Variants in KLHL25 observed in about 807,000 individuals in gnomAD.
KLHL25 encodes kelch like family member 25, also known as kelch-like protein 25.
KLHL25 carries 41 observed loss-of-function variants against 30.0 expected under a neutral mutation model. The observed-to-expected ratio is 1.37, with a 90% CI of 1.07 to 1.78. The LOEUF is 1.78. Ranked by LOEUF, KLHL25 falls within the 40% of genes most tolerant of loss-of-function variation. The probability of loss-of-function intolerance (pLI) is 0.00; values close to 1 mark genes in which losing one functional copy is unlikely to be tolerated. For synonymous variants in KLHL25, 399 were observed against 355.3 expected (o/e 1.12, Z -1.38); for missense variants, 971 against 824.5 (o/e 1.18, Z -2.18).
chr15:85,779,144 C>T (rs918946531), intron 1 of KLHL25, among the ~76,000 whole-genome samples: 3 of 152,116 alleles, frequency 2.0e-5, no homozygotes, highest in South Asian at 2.1e-4. Context: ...ACATCCAGCC[C>T]GGGGCAGGTG....
intron 2 of KLHL25, 28 bp downstream of exon 2, chr15:85,767,989 G>T: frequency 1.4e-6 from 2 of 1,460,422 alleles, no homozygotes; most frequent in Non-Finnish European, 9.4e-7. Flanking sequence ...TCCGGACCCA[G>T]AGTGGCCGTG....
Position 85,769,518 on chromosome 15 carries a change from A to G in KLHL25, c.293T>C (p.Leu98Pro), listed in dbSNP as rs756976281. The G allele has an allele frequency of 2.5e-6, 4 of 1,613,846 alleles. No homozygotes were observed. The highest frequency in any genetic ancestry group is 3.4e-6 in the Non-Finnish European group (4 of 1,180,050). ...GTAGGCAAAGTCCAGCAGCAGCTCC[A>G]GCACCTCCGGGTGCAGGTTGTCCTG... Reference protein sequence around the residue: ...NFQDNLHPEVLELLLDFAYSS... With the variant: ...NFQDNLHPEVPELLLDFAYSS... Residue 98 changes from leucine (L) to proline (P), a missense_variant, in exon 2 of 3, where the codon CTG becomes CCG. Leu to Pro is a moderately conservative substitution (Grantham distance 98). Coordinates refer to ENST00000337975, the MANE Select transcript of KLHL25 (RefSeq NM_022480.4).
intron 1 of KLHL25, among the ~76,000 whole-genome samples, chr15:85,782,229 A>G (rs1351953519): frequency 6.6e-6 from 1 of 152,100 alleles, no homozygotes; most frequent in Non-Finnish European, 1.5e-5. Flanking sequence ...AGTCATTCAT[A>G]TACACATTTT....
chr15:85,765,847 AAG>A (rs2089620220), intron 2 of KLHL25, among the ~76,000 whole-genome samples: 1 of 151,756 alleles, frequency 6.6e-6, no homozygotes, highest in Non-Finnish European at 1.5e-5. Context: ...AAAAAAGAAA[AAG>A]AAAAAAGAAA....
intron 1 of KLHL25, among the ~76,000 whole-genome samples, chr15:85,784,964 T>G (rs1299289922): frequency 2.0e-5 from 3 of 152,184 alleles, no homozygotes; most frequent in African/African-American, 4.8e-5. Context: ...TGGCCTCTAG[T>G]CATAATGTAT....
chr15:85,773,592 C>G (rs544901128), intron 1 of KLHL25, among the ~76,000 whole-genome samples: 2 of 152,142 alleles, frequency 1.3e-5, no homozygotes, highest in Non-Finnish European at 1.5e-5. Context: ...GGAGTGGACA[C>G]GTGCCAGGCC....
In KLHL25 at chr15:85,759,775, A is replaced by G. The variant is rs1033580260; in HGVS notation, c.*1261T>C. The stretch of plus-strand genomic sequence containing the variant: ...CTTGAGCCAGCCAAGCAGTGTTCAC[A>G]CTGCAGGTGCCTGGGAAGCCCCAAG... On this transcript the variant is annotated 3_prime_UTR_variant, in exon 3 of 3. Coordinates refer to ENST00000337975, the MANE Select transcript of KLHL25 (RefSeq NM_022480.4). The G allele has an allele frequency of 1.3e-5, 2 of 152,230 alleles. No homozygotes were observed. The highest frequency in any genetic ancestry group is 4.8e-5 in the African/African-American group (2 of 41,432). 9.4% of individuals were successfully genotyped at this position (152,230 alleles called of 1,614,324 possible).
intron 1 of KLHL25, among the ~76,000 whole-genome samples, chr15:85,775,273 C>T (rs1201406801): frequency 2.0e-5 from 3 of 152,150 alleles, no homozygotes; most frequent in African/African-American, 7.2e-5. Context: ...CCAAACCTGG[C>T]TTTTGGGCTT....
At chr15:85,793,657 A>G (rs1354708019) in intron 1 of KLHL25, among the ~76,000 whole-genome samples, 3 of 152,138 alleles carry the variant, frequency 2.0e-5, no homozygotes, top group Non-Finnish European at 4.4e-5. Context: ...CAGGATACAG[A>G]CCGTGGAATC....
chr15:85,773,356 A>C (rs2089689402), intron 1 of KLHL25, among the ~76,000 whole-genome samples: 1 of 152,226 alleles, frequency 6.6e-6, no homozygotes, highest in Non-Finnish European at 1.5e-5. Context: ...CCCAGAGGAG[A>C]GGAAGGCCGA....
chr15:85,765,219 TAG>T (rs952590862), intron 2 of KLHL25, among the ~76,000 whole-genome samples: 1 of 152,122 alleles, frequency 6.6e-6, no homozygotes, highest in Non-Finnish European at 1.5e-5. Flanking sequence ...CTAAATGACC[TAG>T]AGGATAGCAA....
intron 1 of KLHL25, among the ~76,000 whole-genome samples, chr15:85,773,216 A>G (rs1255682785): frequency 6.6e-6 from 1 of 152,162 alleles, no homozygotes; most frequent in African/African-American, 2.4e-5. Context: ...ATCCCGGCAC[A>G]GAGGTCACTT....
intron 1 of KLHL25, among the ~76,000 whole-genome samples, chr15:85,771,486 G>A (rs1278022499): frequency 6.6e-6 from 1 of 152,202 alleles, no homozygotes; most frequent in East Asian, 1.9e-4. Flanking sequence ...CGGCTACATG[G>A]CTCTCTCTTG....
At chr15:85,771,778 C>T (rs1429845898) in intron 1 of KLHL25, among the ~76,000 whole-genome samples, 1 of 152,224 alleles carries the variant, frequency 6.6e-6, no homozygotes, top group Non-Finnish European at 1.5e-5. Context: ...TATCCTGGCT[C>T]CACCTCCATC....
intron 1 of KLHL25, among the ~76,000 whole-genome samples, chr15:85,786,528 T>C (rs2089782544): frequency 6.6e-6 from 1 of 152,256 alleles, no homozygotes. Flanking sequence ...TCTGGGCCTT[T>C]CTCTGGACCA....
rs1450443338 is a variant in KLHL25, at chr15:85,769,581, T to C, written c.230A>G (p.His77Arg). Residue 77 changes from histidine to arginine, a missense_variant, in exon 2 of 3, where the codon CAT becomes CGT. His to Arg is a conservative substitution (Grantham distance 29). Coordinates refer to ENST00000337975, the MANE Select transcript of KLHL25 (RefSeq NM_022480.4). ...GTCATCCCGGCTCTCCCGAAGGCCA[T>C]GGCTGAACATGGCCTCAAAATAGCG... is the stretch of plus-strand genomic sequence containing the variant. ...SSRYFEAMFS[H>R]GLRESRDDTV... The C allele has an allele frequency of 2.5e-6, 4 of 1,613,662 alleles. No individual in the cohort carries two copies. The highest frequency in any genetic ancestry group is 3.4e-6 in the Non-Finnish European group (4 of 1,180,032).
chr15:85,778,041 C>G (rs955360969), intron 1 of KLHL25, among the ~76,000 whole-genome samples: 1 of 152,198 alleles, frequency 6.6e-6, no homozygotes, highest in African/African-American at 2.4e-5. Flanking sequence ...ACCCCCAAAT[C>G]GCAGCAGCTG....
chr15:85,784,206 G>A (rs1303905311), intron 1 of KLHL25, among the ~76,000 whole-genome samples: 3 of 152,152 alleles, frequency 2.0e-5, no homozygotes, highest in Non-Finnish European at 2.9e-5. Context: ...GATTATCTGG[G>A]TGAGCCTGAT....
At chr15:85,794,388 ACAAG>A (rs1025930095) in intron 1 of KLHL25, among the ~76,000 whole-genome samples, 1 of 152,210 alleles carries the variant, frequency 6.6e-6, no homozygotes, top group African/African-American at 2.4e-5. Flanking sequence ...GTCCTCAAAG[ACAAG>A]CAGTCTCTCT....
Sources: allele counts gnomAD v4.1 joint callset (sites outside exome capture counted in the v4.1 genomes callset), GRCh38; gene constraint gnomAD v4.1.1; transcripts MANE v1.5; gene names NCBI Gene and HGNC (gene_info 2026-07-23, HGNC 2026-07-21).